Variants in ANKRD36 observed in about 807,000 individuals in gnomAD.
The protein encoded by ANKRD36 is ankyrin repeat domain-containing protein 36A.
ANKRD36 carries 179 observed loss-of-function variants against 278.1 expected under a neutral mutation model. That is an observed-to-expected ratio of 0.64 (90% CI 0.57 to 0.73). The LOEUF is 0.73. Ranked by LOEUF, ANKRD36 falls within the 30% of genes least tolerant of loss-of-function variation. The pLI, the probability that ANKRD36 is intolerant of heterozygous loss-of-function variation, is 0.00. For synonymous variants in ANKRD36, 320 were observed against 641.1 expected, an observed-to-expected ratio of 0.50 and a Z score of 7.57; for missense variants, 1,159 against 1,956.7, an observed-to-expected ratio of 0.59 and a Z score of 7.69.
intron 60 of ANKRD36, among the ~76,000 whole-genome samples, chr2:97,213,921 G>C (rs1186323365): frequency 6.6e-6 from 1 of 151,670 alleles, no homozygotes. Flanking sequence ...TTTTCAATAA[G>C]GGTAGAAGGA....
chr2:97,152,230 T>A (rs2046251855), intron 13 of ANKRD36, among the ~76,000 whole-genome samples: 1 of 147,014 alleles, frequency 6.8e-6, no homozygotes, highest in African/African-American at 2.4e-5. Context: ...TGACCTCAAG[T>A]GATTCCCCTG....
chr2:97,229,045 C>G (rs1377070471), intron 67 of ANKRD36, among the ~76,000 whole-genome samples: 3 of 151,966 alleles, frequency 2.0e-5, no homozygotes, highest in Non-Finnish European at 4.4e-5. Flanking sequence ...CTGAGGAGAG[C>G]TTTACTTCCA....
At chr2:97,178,812 A>G (rs1378293298) in intron 22 of ANKRD36, among the ~76,000 whole-genome samples, 10 of 151,562 alleles carry the variant, frequency 6.6e-5, no homozygotes, top group Non-Finnish European at 1.3e-4. Flanking sequence ...CATGTACCCT[A>G]AAACTTAAAG....
intron 13 of ANKRD36, 96 bp downstream of exon 13, chr2:97,152,035 C>G: frequency 9.8e-7 from 1 of 1,023,424 alleles, no homozygotes. Flanking sequence ...GTCTGCAGCA[C>G]AGGCTGGAGT....
intron 6 of ANKRD36, among the ~76,000 whole-genome samples, chr2:97,134,648 T>C (rs2041019744): frequency 6.6e-6 from 1 of 152,132 alleles, no homozygotes; most frequent in Non-Finnish European, 1.5e-5. Context: ...AGAGTCATAC[T>C]ATTTTTGTTT....
chr2:97,191,063 C>T (rs1012128596), intron 35 of ANKRD36, 46 bp from the exon 36 acceptor site: 7 of 1,594,060 alleles, frequency 4.4e-6, no homozygotes, highest in Admixed American at 3.4e-5. Flanking sequence ...ATGAAATATA[C>T]TTCATTGATT....
chr2:97,133,193 A>G (rs190255493), intron 6 of ANKRD36, among the ~76,000 whole-genome samples: 12 of 152,180 alleles, frequency 7.9e-5, no homozygotes, highest in Non-Finnish European at 1.6e-4. Context: ...CAGCAGTTAC[A>G]GCCCCAACTT....
intron 1 of ANKRD36, among the ~76,000 whole-genome samples, chr2:97,116,538 T>C (rs1242436305): frequency 2.0e-5 from 3 of 152,042 alleles, no homozygotes; most frequent in Non-Finnish European, 2.9e-5. Flanking sequence ...CCTCCCAAAG[T>C]TCTGGGATTA....
intron 40 of ANKRD36, among the ~76,000 whole-genome samples, chr2:97,195,315 C>T (rs1431199687): frequency 6.6e-6 from 1 of 151,942 alleles, no homozygotes; most frequent in Non-Finnish European, 1.5e-5. Flanking sequence ...CCCATAGACA[C>T]TGTAGAAGGA....
At position 97,206,080 on chromosome 2, in the gene ANKRD36, A is replaced by T; in HGVS notation, c.3108A>T (p.Glu1036Asp). The T allele has an allele frequency of 6.4e-7, 1 of 1,551,394 alleles. No individual in the cohort carries two copies. The change falls in exon 52 of 76, where the codon GAA becomes GAT. Residue 1036 changes from glutamate (E) to aspartate (D), a missense_variant. Coordinates refer to ENST00000420699, the MANE Select transcript of ANKRD36 (RefSeq NM_001354587.1). ...CCATTCAGGCTACAAGTGATGAGGA[A>T]GATTCTGTTTTGAGTATAGCCAGAG... is the stretch of plus-strand genomic sequence containing the variant. ...PPTLKATSDEEDSVLSIAREN... is the reference protein window; with the variant it reads ...PPTLKATSDEDDSVLSIAREN...
chr2:97,113,693 A>G lies in ANKRD36; in HGVS notation c.-47A>G, dbSNP rs759742645. 6.2e-7 allele frequency: 1 copy of G among 1,610,388 alleles called. No individual in the cohort carries two copies. The highest frequency in any genetic ancestry group is 1.1e-5 in the South Asian group (1 of 90,762). On this transcript the variant is annotated 5_prime_UTR_variant, in exon 1 of 76. Coordinates refer to ENST00000420699, the MANE Select transcript of ANKRD36 (RefSeq NM_001354587.1). ...GCTCTTCGGAGGCGGCGATCCCCGAAGGCGAGCTGAAATACGGCTGCAGGC... is the reference window on the plus strand; with the variant it reads ...GCTCTTCGGAGGCGGCGATCCCCGAGGGCGAGCTGAAATACGGCTGCAGGC...
chr2:97,186,359 T>C (rs979954146), intron 30 of ANKRD36, among the ~76,000 whole-genome samples: 3 of 150,952 alleles, frequency 2.0e-5, no homozygotes, highest in African/African-American at 7.3e-5. Context: ...ACAAATATAA[T>C]GTTGAGTTCA....
At chr2:97,138,538 C>T (rs1442472821) in intron 6 of ANKRD36, among the ~76,000 whole-genome samples, 1 of 151,952 alleles carries the variant, frequency 6.6e-6, no homozygotes, top group Non-Finnish European at 1.5e-5. Flanking sequence ...CAGTGCTATA[C>T]CCATCAAACT....
intron 64 of ANKRD36, among the ~76,000 whole-genome samples, chr2:97,217,915 G>A (rs1287340109): frequency 3.3e-5 from 5 of 151,764 alleles, no homozygotes; most frequent in Non-Finnish European, 7.3e-5. Context: ...GAGGAAGCCT[G>A]AGTGAACTCA....
At position 97,202,302 on chromosome 2, in the gene ANKRD36, C is replaced by T. The variant is rs370367668; in HGVS notation, c.2887-19C>T. 2.6e-5 allele frequency: 41 copies of T among 1,589,378 alleles called. No homozygotes were observed. Among genetic ancestry groups the T allele is most frequent in the East Asian group, 4.6e-5 (2 of 43,038 alleles). ...ATGAAACATACTTTATTTATTATTT[C>T]GTTTTAAATTCCATTCAGGGTACAA... On this transcript the variant is annotated intron_variant, in intron 47 of 75. Transcript: ENST00000420699.
intron 5 of ANKRD36, among the ~76,000 whole-genome samples, chr2:97,126,451 A>G (rs1046908639): frequency 1.3e-5 from 2 of 151,972 alleles, no homozygotes; most frequent in African/African-American, 4.8e-5. Flanking sequence ...TAAGTTATTT[A>G]TGAATTATGA....
In ANKRD36 at chr2:97,127,346, A is replaced by T. The variant is rs1343495196; in HGVS notation, c.799+212A>T. Among the ~76,000 whole-genome samples, 4 of 152,042 alleles carry T rather than the reference A, an allele frequency of 2.6e-5. No homozygotes were observed. In the East Asian group the frequency reaches 7.7e-4, roughly 29 times the overall value. On this transcript the variant is annotated intron_variant, in intron 6 of 75. Transcript: ENST00000420699. ...TATTGTTTGAAAAAAATTATTATTTAATTATGGTTCCTAATATTCTAGATG... is the reference window on the plus strand; with the variant it reads ...TATTGTTTGAAAAAAATTATTATTTTATTATGGTTCCTAATATTCTAGATG...
chr2:97,151,338 A>G lies in ANKRD36; in HGVS notation c.1102-541A>G, dbSNP rs1343966744. Among the ~76,000 whole-genome samples the G allele has an allele frequency of 4.6e-5, 7 of 151,780 alleles. No homozygotes were observed. The South Asian group carries it at 1.5e-3, about 32-fold the overall frequency. On this transcript the variant is annotated intron_variant, in intron 12 of 75. Coordinates refer to ENST00000420699, the MANE Select transcript of ANKRD36 (RefSeq NM_001354587.1). The stretch of plus-strand genomic sequence containing the variant: ...ATTGCTTTTTTCTGTCTTTTTTGGA[A>G]GGAGCTGAAGTTGTACTATAATTTG...
chr2:97,198,196 G>C (rs554061339), intron 42 of ANKRD36, among the ~76,000 whole-genome samples: 43 of 151,884 alleles, frequency 2.8e-4, no homozygotes, highest in African/African-American at 9.9e-4. Context: ...GCATATCCAC[G>C]TTGATAGTGA....
Sources: allele counts gnomAD v4.1 joint callset (sites outside exome capture counted in the v4.1 genomes callset), GRCh38; gene constraint gnomAD v4.1.1; transcripts MANE v1.5; gene names NCBI Gene and HGNC (gene_info 2026-07-23, HGNC 2026-07-21).